The following GON4L variants were observed in gnomAD, a reference collection of about 807,000 sequenced individuals.
GON4L encodes the protein gon-4 like, also known as GON-4-like protein.
A neutral mutation model predicts 211.8 loss-of-function variants in GON4L; 87 were observed. That is an observed-to-expected ratio of 0.41 (90% confidence interval 0.35 to 0.49). The LOEUF (loss-of-function observed/expected upper bound fraction) is 0.49. Ranked by LOEUF, GON4L falls within the 20% of genes least tolerant of loss-of-function variation. The pLI is 0.15. For missense variants in GON4L, 2,155 were observed against 2,659.5 expected (o/e 0.81, Z 4.17); for synonymous variants, 875 against 962.6 (o/e 0.91, Z 1.68).
intron 1 of GON4L, among the ~76,000 whole-genome samples, chr1:155,854,030 T>C (rs1672045976): frequency 6.6e-6 from 1 of 152,242 alleles, no homozygotes; most frequent in African/African-American, 2.4e-5. Context: ...GGCCAAGTGA[T>C]TTAACCTCGC....
chr1:155,757,075 A>C lies in GON4L; in HGVS notation c.5400T>G (p.Phe1800Leu), dbSNP rs745698731. 1 of 1,613,890 alleles carries C rather than the reference A, an allele frequency of 6.2e-7. No individual in the cohort carries two copies. Among genetic ancestry groups the C allele is most frequent in the Non-Finnish European group, 8.5e-7 (1 of 1,179,844 alleles). Residue 1800 changes from phenylalanine (F) to leucine (L), a missense_variant and splice_region_variant, in exon 27 of 32, where the codon TTT becomes TTG. Around this residue, in one of 6 missense-constraint regions of GON4L, gnomAD observed 455 missense variants for 504.6 expected, o/e 0.90. Coordinates refer to ENST00000368331, the MANE Select transcript of GON4L (RefSeq NM_001282860.2). ...INWTEEKEYE[F>L]DGFEEVALPD... ...GCAGGGCCACTTCTTCAAAGCCATC[A>C]AACTGAGAAGGAGTTGGTGCTGCTG...
chr1:155,792,205 C>T lies in GON4L; in HGVS notation c.1747+2845G>A, dbSNP rs115522459. Among the ~76,000 whole-genome samples the T allele has an allele frequency of 5.2e-3, 794 of 152,206 alleles. 5 individuals carry two copies. Among genetic ancestry groups the T allele is most frequent in the African/African-American group, 0.018 (748 of 41,530 alleles). On this transcript the variant is annotated intron_variant, in intron 12 of 31. Transcript: ENST00000368331. ...CAAGCGGGCAAAAAACATGTGACCA[C>T]ATGGAGCTTTTCAAACTCTGTGATT...
intron 20 of GON4L, 74 bp from the exon 21 acceptor site, chr1:155,766,783 C>G: frequency 1.9e-6 from 3 of 1,601,968 alleles, no homozygotes; most frequent in South Asian, 2.2e-5. Context: ...CAGTGGCTCA[C>G]GCCTGTAATC....
intron 22 of GON4L, among the ~76,000 whole-genome samples, chr1:155,762,582 C>G (rs1452847891): frequency 1.3e-5 from 2 of 152,334 alleles, no homozygotes; most frequent in East Asian, 1.9e-4. Context: ...GGGATGACAA[C>G]AAGATAATCA....
rs903518441 is a variant in GON4L, at chr1:155,814,527, G to T, written c.1162-78C>A. On this transcript the variant is annotated intron_variant, in intron 8 of 31. Coordinates refer to ENST00000368331, the MANE Select transcript of GON4L (RefSeq NM_001282860.2). ...AAAGTCTGAAGTATCTCAAGAGAAG[G>T]AATCATAAAATATCAATCACTCAGC... The T allele has an allele frequency of 1.5e-5, 22 of 1,421,184 alleles. No individual in the cohort carries two copies. In the East Asian group the frequency reaches 5.0e-4, roughly 33 times the overall value. The allele number at this position is 1,421,184 out of a possible 1,614,324, so 88.0% of individuals were successfully genotyped here. A position where few individuals can be genotyped will look rare whatever the true frequency, so the allele number is the denominator to read the frequency against.
intron 24 of GON4L, among the ~76,000 whole-genome samples, chr1:155,758,313 C>T (rs2101663146): frequency 6.6e-6 from 1 of 152,344 alleles, no homozygotes; most frequent in African/African-American, 2.4e-5. Flanking sequence ...GTGAAATCAG[C>T]CACCAAAATT....
At chr1:155,858,636 G>GTTTT (rs60054192), upstream of GON4L, among the ~76,000 whole-genome samples, 28 of 107,926 alleles carry the variant, frequency 2.6e-4, no homozygotes, top group South Asian at 3.0e-4. Context: ...TTCATTAGTT[G>GTTTT]TTTTTTTTTT....
intron 20 of GON4L, chr1:155,766,956 G>C (rs1248257733): frequency 1.7e-6 from 1 of 583,018 alleles, no homozygotes; most frequent in Non-Finnish European, 3.0e-6. Context: ...GGAGGCAGGA[G>C]AATCACTTGA....
intron 2 of GON4L, among the ~76,000 whole-genome samples, chr1:155,839,225 T>G (rs565390787): frequency 1.3e-5 from 2 of 152,144 alleles, no homozygotes; most frequent in African/African-American, 4.8e-5. Flanking sequence ...CAGAGGTATT[T>G]TTGGTAAGAA....
At chr1:155,831,422 C>T (rs1426329402) in intron 2 of GON4L, 12 of 151,378 alleles carry the variant, frequency 7.9e-5, no homozygotes, top group Non-Finnish European at 1.2e-4. Context: ...TGCACTCTAG[C>T]GTGGGCTACA....
downstream of GON4L, chr1:155,747,888 C>T: frequency 6.4e-7 from 1 of 1,571,484 alleles, no homozygotes; most frequent in Non-Finnish European, 8.7e-7. Flanking sequence ...TGGTCCCTAC[C>T]ATCGTGGGGT....
chr1:155,753,445 T>C, intron 28 of GON4L, 31 bp from the exon 29 acceptor site: 1 of 1,535,538 alleles, frequency 6.5e-7, no homozygotes, highest in South Asian at 1.1e-5. Context: ...GTCAAAGGTG[T>C]TCTGACTGCC....
chr1:155,808,219 G>A (rs1161007212), intron 10 of GON4L, among the ~76,000 whole-genome samples: 1 of 151,724 alleles, frequency 6.6e-6, no homozygotes, highest in Non-Finnish European at 1.5e-5. Context: ...TGTATTTTTT[G>A]TTAGAGATGG....
chr1:155,849,543 CAAAAA>C (rs916595257), intron 2 of GON4L, among the ~76,000 whole-genome samples: 10 of 47,002 alleles, frequency 2.1e-4, no homozygotes, highest in Non-Finnish European at 4.3e-4. Flanking sequence ...GACTCTGTCT[CAAAAA>C]AAAAAAAAAA....
chr1:155,797,788 G>C (rs1666219331), intron 11 of GON4L, among the ~76,000 whole-genome samples: 1 of 151,410 alleles, frequency 6.6e-6, no homozygotes, highest in African/African-American at 2.4e-5. Flanking sequence ...AGGAGACAGA[G>C]GTTGCAGTGA....
chr1:155,825,277 T>A (rs1037459265), intron 3 of GON4L, among the ~76,000 whole-genome samples: 2 of 151,980 alleles, frequency 1.3e-5, no homozygotes, highest in African/African-American at 4.8e-5. Context: ...ATGAATTTCA[T>A]AAAACAATGT....
chr1:155,778,408 C>T (rs1162090099), intron 14 of GON4L, among the ~76,000 whole-genome samples: 2 of 152,158 alleles, frequency 1.3e-5, no homozygotes, highest in South Asian at 2.1e-4. Flanking sequence ...CGTGCCACCA[C>T]GCCCAGCTAA....
chr1:155,757,124 C>T (rs1451837104), intron 26 of GON4L, 47 bp from the exon 27 acceptor site: 2 of 1,613,686 alleles, frequency 1.2e-6, no homozygotes, highest in Non-Finnish European at 1.7e-6. Context: ...GGCCAATATC[C>T]CTCCCACGTG....
At chr1:155,814,136 C>T (rs1446026039) in intron 9 of GON4L, among the ~76,000 whole-genome samples, 194 bp downstream of exon 9, 3 of 152,140 alleles carry the variant, frequency 2.0e-5, no homozygotes, top group African/African-American at 7.2e-5. Context: ...ACATTTTTGG[C>T]CCCTTAATGA....
Sources: allele counts gnomAD v4.1 joint callset (sites outside exome capture counted in the v4.1 genomes callset), GRCh38; gene constraint gnomAD v4.1.1; regional missense constraint gnomAD v4.1.1; transcripts MANE v1.5; gene names NCBI Gene and HGNC (gene_info 2026-07-23, HGNC 2026-07-21).